PAK5: variants seen among roughly 807,000 people sequenced by gnomAD.
PAK5 encodes the protein p21 (RAC1) activated kinase 5.
PAK5 carries 16 observed loss-of-function variants against 65.9 expected under a neutral mutation model. That is an observed-to-expected ratio of 0.24 (90% CI 0.16 to 0.37). The LOEUF (loss-of-function observed/expected upper bound fraction) is 0.37. PAK5 is among the 10% of genes least tolerant of loss of function. The pLI, the probability that PAK5 is intolerant of heterozygous loss-of-function variation, is 1.00. For synonymous variants in PAK5, 371 were observed against 354.9 expected (o/e 1.05, Z -0.51); for missense variants, 785 against 903.9 (o/e 0.87, Z 1.69).
intron 1 of PAK5, among the ~76,000 whole-genome samples, chr20:9,774,109 A>G (rs963739221): frequency 3.3e-5 from 5 of 152,224 alleles, no homozygotes; most frequent in Admixed American, 3.3e-4. Flanking sequence ...CCATGGTAAG[A>G]AAGTGTCAAT....
intron 1 of PAK5, among the ~76,000 whole-genome samples, chr20:9,762,868 T>C (rs922415256): frequency 1.3e-5 from 2 of 152,104 alleles, no homozygotes; most frequent in African/African-American, 2.4e-5. Context: ...ACAACTTAAA[T>C]GCCCATGAAC....
At chr20:9,800,355 C>T (rs1192799932) in intron 1 of PAK5, among the ~76,000 whole-genome samples, 3 of 152,082 alleles carry the variant, frequency 2.0e-5, no homozygotes. Flanking sequence ...ATAAAGGTCA[C>T]TTTTGTTTGT....
intron 4 of PAK5, among the ~76,000 whole-genome samples, chr20:9,572,192 T>C (rs1417464474): frequency 6.6e-6 from 1 of 152,204 alleles, no homozygotes; most frequent in Non-Finnish European, 1.5e-5. Flanking sequence ...TTTTCCTTTT[T>C]GTTTTGGTCA....
intron 2 of PAK5, among the ~76,000 whole-genome samples, chr20:9,706,485 T>C: frequency 6.6e-6 from 1 of 151,196 alleles, no homozygotes. Flanking sequence ...TTTTTTTTTT[T>C]TTTCTTTTTA....
At chr20:9,827,925 G>A (rs6077603) in intron 1 of PAK5, among the ~76,000 whole-genome samples, 3,136 of 152,262 alleles carry the variant, frequency 0.021, 57 homozygotes, top group Non-Finnish European at 0.034. Context: ...TCTGCCTCCC[G>A]GGTTCAAGCG....
chr20:9,809,442 C>G (rs2123751632), intron 1 of PAK5, among the ~76,000 whole-genome samples: 1 of 150,258 alleles, frequency 6.7e-6, no homozygotes, highest in African/African-American at 2.5e-5. Flanking sequence ...AAGAACATAC[C>G]ATGAGGCCAC....
intron 1 of PAK5, among the ~76,000 whole-genome samples, chr20:9,794,875 C>A (rs1004751231): frequency 1.3e-5 from 2 of 152,002 alleles, no homozygotes; most frequent in Non-Finnish European, 2.9e-5. Context: ...ATGAGATCCC[C>A]TGGATGGCTT....
At chr20:9,793,620 C>A in intron 1 of PAK5, among the ~76,000 whole-genome samples, 1 of 151,916 alleles carries the variant, frequency 6.6e-6, no homozygotes, top group East Asian at 1.9e-4. Context: ...AAATCAAAAT[C>A]ATAATAAGAT....
intron 3 of PAK5, among the ~76,000 whole-genome samples, chr20:9,640,515 T>G (rs951393038): frequency 1.3e-5 from 2 of 152,172 alleles, no homozygotes; most frequent in African/African-American, 4.8e-5. Context: ...AGTGCCGCAA[T>G]AAACATACGT....
intron 6 of PAK5, among the ~76,000 whole-genome samples, chr20:9,562,081 G>A (rs6056704): frequency 0.45 from 68,838 of 152,000 alleles, 19,323 homozygotes; most frequent in African/African-American, 0.8. Context: ...CCTTCTTAGT[G>A]AACTCCTATT....
chr20:9,759,293 A>G (rs2048671137), intron 1 of PAK5, among the ~76,000 whole-genome samples: 1 of 152,178 alleles, frequency 6.6e-6, no homozygotes, highest in South Asian at 2.1e-4. Context: ...ACTTTGTAGC[A>G]TATTTACATT....
At chr20:9,576,334 T>C (rs2045884385) in intron 4 of PAK5, among the ~76,000 whole-genome samples, 1 of 152,188 alleles carries the variant, frequency 6.6e-6, no homozygotes, top group African/African-American at 2.4e-5. Context: ...TGATAGCTAT[T>C]GAACAGTTGT....
intron 3 of PAK5, among the ~76,000 whole-genome samples, chr20:9,603,491 C>A (rs2046396681): frequency 6.6e-6 from 1 of 152,166 alleles, no homozygotes; most frequent in African/African-American, 2.4e-5. Flanking sequence ...CTGCCTCTCC[C>A]TGGCTGATCC....
At chr20:9,695,426 T>C (rs2047855036) in intron 2 of PAK5, among the ~76,000 whole-genome samples, 1 of 152,098 alleles carries the variant, frequency 6.6e-6, no homozygotes, top group African/African-American at 2.4e-5. Context: ...AAAAAGTCTT[T>C]GCTCCCACCA....
At chr20:9,661,520 T>C (rs1432570003) in intron 2 of PAK5, among the ~76,000 whole-genome samples, 3 of 152,200 alleles carry the variant, frequency 2.0e-5, no homozygotes, top group Non-Finnish European at 4.4e-5. Context: ...TTGTCTCCAA[T>C]GACTATGTAA....
chr20:9,641,635 C>CA (rs1781224045), intron 3 of PAK5, among the ~76,000 whole-genome samples: 1 of 151,940 alleles, frequency 6.6e-6, no homozygotes, highest in Non-Finnish European at 1.5e-5. Context: ...CGCTGTGGAG[C>CA]AGGGGGTGGT....
rs887810375 is a variant in PAK5 at position 9,675,356 on chromosome 20, C to T, written c.-11-31017G>A. 3.3e-5 allele frequency among the ~76,000 whole-genome samples: 5 copies of T among 152,084 alleles called. No individual in the cohort carries two copies. The East Asian group carries it at 9.6e-4, about 29-fold the overall frequency. On this transcript the variant is annotated intron_variant, in intron 2 of 9. Transcript: ENST00000353224. ...TAAGGATCATACAGCTTGGGGGTGACAAAGCTCTAACTTAAAACCAAAAGG... is the reference window on the plus strand; with the variant it reads ...TAAGGATCATACAGCTTGGGGGTGATAAAGCTCTAACTTAAAACCAAAAGG...
At chr20:9,623,816 G>A (rs943211493) in intron 3 of PAK5, among the ~76,000 whole-genome samples, 2 of 152,184 alleles carry the variant, frequency 1.3e-5, no homozygotes, top group Non-Finnish European at 2.9e-5. Context: ...ATGAAGAGAT[G>A]CTCAAACACA....
intron 3 of PAK5, among the ~76,000 whole-genome samples, chr20:9,596,635 CAAAAAAAAAAA>C (rs35576059): frequency 1.3e-4 from 7 of 52,802 alleles, no homozygotes; most frequent in Non-Finnish European, 2.7e-4. Context: ...GACTCCGTCT[CAAAAAAAAAAA>C]AAAAAAAAAA....
Sources: allele counts gnomAD v4.1 joint callset (sites outside exome capture counted in the v4.1 genomes callset), GRCh38; gene constraint gnomAD v4.1.1; transcripts MANE v1.5; gene names NCBI Gene and HGNC (gene_info 2026-07-23, HGNC 2026-07-21).